The following CLSTN2 variants were observed in gnomAD, a reference collection of about 807,000 sequenced individuals.
CLSTN2 encodes the protein calsyntenin-2.
Under a neutral mutation model 101.2 loss-of-function variants are expected in CLSTN2, and 48 were observed. The ratio of observed to expected loss-of-function variants is 0.47; its 90% CI spans 0.38 to 0.60. The LOEUF (loss-of-function observed/expected upper bound fraction) is 0.60, where lower values mean the gene tolerates loss of function less well. Ranked by LOEUF, CLSTN2 falls within the 20% of genes least tolerant of loss-of-function variation. The pLI is 0.00. For synonymous variants in CLSTN2, 481 were observed against 463.6 expected (o/e 1.04, Z -0.48); for missense variants, 1,160 against 1,238.2 (o/e 0.94, Z 0.95).
intron 1 of CLSTN2, among the ~76,000 whole-genome samples, chr3:139,950,904 G>T (rs1935284827): frequency 6.6e-6 from 1 of 152,164 alleles, no homozygotes; most frequent in African/African-American, 2.4e-5. Flanking sequence ...GATGCAAACA[G>T]ATCTGTGTGT....
At chr3:140,199,680 C>T (rs1009086809) in intron 2 of CLSTN2, among the ~76,000 whole-genome samples, 2 of 152,220 alleles carry the variant, frequency 1.3e-5, no homozygotes, top group African/African-American at 4.8e-5. Flanking sequence ...TTGACTGATA[C>T]AGCTGGCCTT....
intron 2 of CLSTN2, among the ~76,000 whole-genome samples, chr3:140,309,899 A>G (rs949663490): frequency 6.6e-6 from 1 of 152,036 alleles, no homozygotes; most frequent in African/African-American, 2.4e-5. Context: ...CATATACCAC[A>G]TTCTTCTAGG....
At chr3:139,953,421 A>T (rs1487593966) in intron 1 of CLSTN2, among the ~76,000 whole-genome samples, 1 of 152,142 alleles carries the variant, frequency 6.6e-6, no homozygotes, top group Non-Finnish European at 1.5e-5. Flanking sequence ...GGGTATTTGC[A>T]GGCATAGAGG....
At chr3:140,561,995 G>C (rs1037199152) in intron 12 of CLSTN2, 143 bp from the exon 13 acceptor site, 8 of 633,256 alleles carry the variant, frequency 1.3e-5, no homozygotes, top group African/African-American at 3.7e-5. Flanking sequence ...CTGAGCGGTG[G>C]ATGTGGTATT....
At chr3:140,418,699 G>A (rs2088458829) in intron 4 of CLSTN2, among the ~76,000 whole-genome samples, 1 of 151,820 alleles carries the variant, frequency 6.6e-6, no homozygotes. Flanking sequence ...TGTAGTTTTA[G>A]TAGAGACAGG....
At chr3:140,031,742 G>A (rs1307482625) in intron 1 of CLSTN2, among the ~76,000 whole-genome samples, 1 of 152,198 alleles carries the variant, frequency 6.6e-6, no homozygotes, top group African/African-American at 2.4e-5. Context: ...CTGTTTGTTA[G>A]AGCTGGGTCC....
intron 8 of CLSTN2, among the ~76,000 whole-genome samples, chr3:140,481,633 G>C: frequency 1.3e-5 from 2 of 152,108 alleles, no homozygotes; most frequent in Non-Finnish European, 2.9e-5. Context: ...TTGAGCTGTG[G>C]TTTGTAGTTC....
chr3:140,444,443 A>T (rs184522194), intron 5 of CLSTN2, among the ~76,000 whole-genome samples: 1 of 150,088 alleles, frequency 6.7e-6, no homozygotes, highest in African/African-American at 2.4e-5. Context: ...AAAAAAAAAA[A>T]TGCTACATGG....
At chr3:140,034,367 G>T (rs535921521) in intron 1 of CLSTN2, among the ~76,000 whole-genome samples, 1 of 152,166 alleles carries the variant, frequency 6.6e-6, no homozygotes, top group Non-Finnish European at 1.5e-5. Flanking sequence ...ACCTAGAACT[G>T]GGATGTCATC....
At chr3:140,231,906 T>C (rs935308351) in intron 2 of CLSTN2, among the ~76,000 whole-genome samples, 2 of 152,338 alleles carry the variant, frequency 1.3e-5, no homozygotes, top group South Asian at 2.1e-4. Flanking sequence ...TTAAATCCCA[T>C]GTCTGTCACT....
At chr3:140,067,070 C>A (rs2008312179) in intron 1 of CLSTN2, among the ~76,000 whole-genome samples, 1 of 152,080 alleles carries the variant, frequency 6.6e-6, no homozygotes, top group African/African-American at 2.4e-5. Context: ...TATGAGGTGA[C>A]ATGGGGTAAC....
At chr3:140,243,224 T>C (rs961386886) in intron 2 of CLSTN2, among the ~76,000 whole-genome samples, 4 of 152,218 alleles carry the variant, frequency 2.6e-5, no homozygotes, top group Admixed American at 6.5e-5. Context: ...CTGCTGTTAA[T>C]GGAAAGGGAC....
At chr3:140,249,890 C>T (rs775188429) in intron 2 of CLSTN2, among the ~76,000 whole-genome samples, 7 of 152,054 alleles carry the variant, frequency 4.6e-5, no homozygotes, top group African/African-American at 1.2e-4. Context: ...CCCCTCACTC[C>T]GCAGGGCAAC....
chr3:140,180,739 T>C (rs987465221), intron 2 of CLSTN2, among the ~76,000 whole-genome samples: 1 of 152,180 alleles, frequency 6.6e-6, no homozygotes, highest in Non-Finnish European at 1.5e-5. Flanking sequence ...TCAGGCATAA[T>C]TGGCTGACTT....
rs541489110 is a variant in CLSTN2 at position 139,955,659 on chromosome 3, G to A, written c.109+20176G>A. On this transcript the variant is annotated intron_variant, in intron 1 of 16. Coordinates refer to ENST00000458420, the MANE Select transcript of CLSTN2 (RefSeq NM_022131.3). The stretch of plus-strand genomic sequence containing the variant: ...TGTGGATTCAGCTGAGTCCCTCTTC[G>A]AAGTCATCTAGAGCTAGGCCCTTCT... 5.4e-3 allele frequency among the ~76,000 whole-genome samples: 33 copies of A among 6,158 alleles called. No homozygotes were observed. In the South Asian group the frequency reaches 0.42, roughly 79 times the overall value. 4.0% of individuals were successfully genotyped at this position (6,158 alleles called of 152,430 possible).
At chr3:140,566,012 C>A in intron 16 of CLSTN2, 41 bp from the exon 17 acceptor site, 1 of 1,612,346 alleles carries the variant, frequency 6.2e-7, no homozygotes, top group South Asian at 1.1e-5. Context: ...GGCCTCTGTT[C>A]AGCCCCTGAT....
chr3:139,942,790 C>T (rs1012599924), intron 1 of CLSTN2, among the ~76,000 whole-genome samples: 2 of 152,146 alleles, frequency 1.3e-5, no homozygotes, highest in Admixed American at 6.5e-5. Flanking sequence ...CACCAGCGAG[C>T]CAGTGTGGTG....
At chr3:140,337,802 C>G (rs189475734) in intron 2 of CLSTN2, among the ~76,000 whole-genome samples, 1 of 152,158 alleles carries the variant, frequency 6.6e-6, no homozygotes, top group African/African-American at 2.4e-5. Flanking sequence ...TCAGCAATGC[C>G]GCCTTCAGAA....
rs1985682041 is a variant in CLSTN2, at chr3:140,574,865, A to G, written c.*8612A>G. ...AGCACCTCTGCAGAGAAGGCAGGCA[A>G]AGGGATGAGGAGGTAGCATCTCCTC... is the stretch of plus-strand genomic sequence containing the variant. On this transcript the variant is annotated 3_prime_UTR_variant, in exon 17 of 17. Coordinates refer to ENST00000458420, the MANE Select transcript of CLSTN2 (RefSeq NM_022131.3). The G allele has an allele frequency of 6.7e-6, 1 of 150,132 alleles. No homozygotes were observed. Among genetic ancestry groups the G allele is most frequent in the African/African-American group, 2.4e-5 (1 of 41,068 alleles). The allele number at this position is 150,132 out of a possible 1,614,324, so 9.3% of individuals were successfully genotyped here.
Sources: gnomAD v4.1 joint callset for allele counts (sites outside exome capture counted in the v4.1 genomes callset) on GRCh38, gnomAD v4.1.1 for gene constraint, MANE v1.5 for transcripts, NCBI Gene and HGNC (gene_info 2026-07-23, HGNC 2026-07-21) for gene names.